Variants in SHISA6 observed in about 807,000 individuals in gnomAD.
SHISA6 encodes protein shisa-6.
In SHISA6, 22 loss-of-function variants were observed where a neutral mutation model predicts 47.9. The ratio of observed to expected loss-of-function variants is 0.46; its 90% CI spans 0.33 to 0.66. The LOEUF (loss-of-function observed/expected upper bound fraction) is 0.66. Ranked by LOEUF, SHISA6 falls within the 30% of genes least tolerant of loss-of-function variation. SHISA6 has a pLI of 0.02. For synonymous variants in SHISA6, 388 were observed against 337.8 expected (o/e 1.15, Z -1.63); for missense variants, 680 against 764.6 (o/e 0.89, Z 1.30).
chr17:11,450,425 G>A (rs1320306104), intron 3 of SHISA6, among the ~76,000 whole-genome samples: 1 of 152,094 alleles, frequency 6.6e-6, no homozygotes, highest in Non-Finnish European at 1.5e-5. Flanking sequence ...GGGAGGCCGA[G>A]GTGGGCGGAT....
At chr17:11,456,011 CTG>C (rs55705543) in intron 3 of SHISA6, among the ~76,000 whole-genome samples, 60,736 of 151,820 alleles carry the variant, frequency 0.4, 12,631 homozygotes, top group African/African-American at 0.52. Context: ...GCACCCAGAC[CTG>C]TCCTCCCAAC....
intron 2 of SHISA6, among the ~76,000 whole-genome samples, chr17:11,359,414 G>C (rs1185639031): frequency 6.6e-6 from 1 of 152,146 alleles, no homozygotes; most frequent in Non-Finnish European, 1.5e-5. Context: ...ACATCTCATG[G>C]CTGCAGAGTC....
At chr17:11,349,779 A>T (rs987027243) in intron 2 of SHISA6, among the ~76,000 whole-genome samples, 2 of 152,188 alleles carry the variant, frequency 1.3e-5, no homozygotes, top group African/African-American at 4.8e-5. Flanking sequence ...CTCTTGAAAA[A>T]GAGAGATTAT....
intron 3 of SHISA6, among the ~76,000 whole-genome samples, chr17:11,399,073 T>C (rs1055077635): frequency 6.6e-6 from 1 of 152,220 alleles, no homozygotes; most frequent in Non-Finnish European, 1.5e-5. Context: ...TCTGGGAGTT[T>C]TCTGTTTTCC....
chr17:11,271,539 G>C (rs1431293264), intron 2 of SHISA6, among the ~76,000 whole-genome samples: 1 of 151,068 alleles, frequency 6.6e-6, no homozygotes, highest in Non-Finnish European at 1.5e-5. Context: ...CCAGGTTCAA[G>C]CGGTTCTCCT....
Position 11,473,385 on chromosome 17 carries a change from C to A in SHISA6, c.896-78511C>A, listed in dbSNP as rs534891840. Among the ~76,000 whole-genome samples the A allele has an allele frequency of 4.6e-5, 7 of 152,128 alleles. No individual in the cohort carries two copies. In the South Asian group the frequency reaches 1.5e-3, roughly 32 times the overall value. ...TCTGGAGGCTGGAAAGTCCAAGGTGCCAGCAGATTTGGCAATTCTGACTCG... is the reference window on the plus strand; with the variant it reads ...TCTGGAGGCTGGAAAGTCCAAGGTGACAGCAGATTTGGCAATTCTGACTCG... On this transcript the variant is annotated intron_variant, in intron 3 of 5. Transcript: ENST00000441885.
At chr17:11,501,680 A>T (rs1307029519) in intron 3 of SHISA6, among the ~76,000 whole-genome samples, 1 of 152,102 alleles carries the variant, frequency 6.6e-6, no homozygotes, top group Non-Finnish European at 1.5e-5. Flanking sequence ...CTTCTTGAGC[A>T]TGGGCAACAG....
chr17:11,547,571 ATAGT>A (rs1212314762), intron 3 of SHISA6, among the ~76,000 whole-genome samples: 14 of 152,264 alleles, frequency 9.2e-5, no homozygotes, highest in African/African-American at 3.4e-4. Flanking sequence ...AGAGAAATTC[ATAGT>A]TAAAGACCTT....
intron 2 of SHISA6, among the ~76,000 whole-genome samples, chr17:11,295,980 A>G (rs1203211581): frequency 6.6e-6 from 1 of 151,656 alleles, no homozygotes; most frequent in Admixed American, 6.6e-5. Context: ...AAAAAAAAAA[A>G]AAAAGTCAGG....
intron 2 of SHISA6, among the ~76,000 whole-genome samples, chr17:11,313,940 C>G (rs1330099598): frequency 6.6e-6 from 1 of 152,096 alleles, no homozygotes; most frequent in East Asian, 1.9e-4. Context: ...TAAAGATATA[C>G]TAATATCTTT....
At chr17:11,456,005 C>T (rs1210015355) in intron 3 of SHISA6, among the ~76,000 whole-genome samples, 1 of 125,028 alleles carries the variant, frequency 8.0e-6, no homozygotes, top group East Asian at 2.4e-4. Context: ...TTAACAGCAC[C>T]CAGACCTGTC....
chr17:11,411,345 G>A (rs1914110760), intron 3 of SHISA6, among the ~76,000 whole-genome samples: 2 of 152,076 alleles, frequency 1.3e-5, no homozygotes, highest in Non-Finnish European at 2.9e-5. Flanking sequence ...TTTTAGAAAT[G>A]TAGGCTGGCT....
intron 3 of SHISA6, among the ~76,000 whole-genome samples, chr17:11,492,106 G>A (rs377343808): frequency 4.6e-5 from 7 of 152,244 alleles, no homozygotes; most frequent in African/African-American, 1.7e-4. Context: ...TGTGATGTGA[G>A]CAGAGTCTTG....
chr17:11,314,529 ATTTTTTTGTTTTTT>A (rs1257708424), intron 2 of SHISA6, among the ~76,000 whole-genome samples: 1 of 143,658 alleles, frequency 7.0e-6, no homozygotes, highest in Non-Finnish European at 1.5e-5. Flanking sequence ...CTGTTTTTTC[ATTTTTTTGTTTTTT>A]TTTTTTTTTG....
At chr17:11,392,554 A>T (rs1447885776) in intron 3 of SHISA6, among the ~76,000 whole-genome samples, 1 of 151,958 alleles carries the variant, frequency 6.6e-6, no homozygotes, top group African/African-American at 2.4e-5. Flanking sequence ...ACACACCTAG[A>T]CCCCGCTTTG....
rs532463235 is a variant in SHISA6, at chr17:11,304,810, G to T, written c.799+41284G>T. Among the ~76,000 whole-genome samples the T allele has an allele frequency of 4.0e-5, 6 of 151,590 alleles. 1 individual carries two copies. In the Middle Eastern group the frequency reaches 0.014, roughly 344 times the overall value. On this transcript the variant is annotated intron_variant, in intron 2 of 5. Transcript: ENST00000441885. Reference sequence around the variant, plus strand: ...CCAGAACTGTTCCCGGTAGGAGCTGGGGATGAGGGCTCGGTGCCAGGCAGG... The same window carrying T: ...CCAGAACTGTTCCCGGTAGGAGCTGTGGATGAGGGCTCGGTGCCAGGCAGG...
intron 3 of SHISA6, among the ~76,000 whole-genome samples, chr17:11,474,619 A>G (rs1489198105): frequency 1.3e-5 from 2 of 152,122 alleles, no homozygotes; most frequent in Admixed American, 6.6e-5. Flanking sequence ...CTATATTTAC[A>G]TGGGTATATT....
At chr17:11,427,612 A>C (rs1163970940) in intron 3 of SHISA6, among the ~76,000 whole-genome samples, 1 of 152,152 alleles carries the variant, frequency 6.6e-6, no homozygotes, top group African/African-American at 2.4e-5. Context: ...TTAATTAACT[A>C]ATTAGTTAAT....
chr17:11,423,346 G>T lies in SHISA6; in HGVS notation c.895+43837G>T, dbSNP rs1043039446. Among the ~76,000 whole-genome samples, 778 of 148,668 alleles carry T rather than the reference G, an allele frequency of 5.2e-3. 8 individuals carry two copies. Among genetic ancestry groups the T allele is most frequent in the African/African-American group, 0.018 (703 of 39,948 alleles). ...ATATATATAGATAGATAGATAGATA[G>T]ATAGATAGATAGATAGATAGATATA... On this transcript the variant is annotated intron_variant, in intron 3 of 5. Transcript: ENST00000441885.
Sources: allele counts gnomAD v4.1 joint callset (sites outside exome capture counted in the v4.1 genomes callset), GRCh38; gene constraint gnomAD v4.1.1; transcripts MANE v1.5; gene names NCBI Gene and HGNC (gene_info 2026-07-23, HGNC 2026-07-21).